Variants in GLT1D1 observed in about 807,000 individuals in gnomAD.
The protein encoded by GLT1D1 is glycosyltransferase 1 domain containing 1.
Under a neutral mutation model 28.7 loss-of-function variants are expected in GLT1D1, and 21 were observed. The observed-to-expected ratio is 0.73, with a 90% CI of 0.52 to 1.05. GLT1D1 has a LOEUF of 1.05. Ranked by LOEUF, GLT1D1 falls within the 50% of genes least tolerant of loss-of-function variation. GLT1D1 has a pLI of 0.00. For missense variants in GLT1D1, 343 were observed against 330.6 expected (o/e 1.04, Z -0.29); for synonymous variants, 147 against 124.8 (o/e 1.18, Z -1.19).
At chr12:128,910,808 T>C (rs1247364869) in intron 4 of GLT1D1, among the ~76,000 whole-genome samples, 1 of 152,126 alleles carries the variant, frequency 6.6e-6, no homozygotes, top group African/African-American at 2.4e-5. Context: ...GCTTGCACGA[T>C]GAAGTGGGGA....
At chr12:128,947,817 C>A (rs12370293) in intron 6 of GLT1D1, among the ~76,000 whole-genome samples, 30,860 of 151,982 alleles carry the variant, frequency 0.2, 3,337 homozygotes, top group Admixed American at 0.3. Context: ...TTTACTTGAT[C>A]TTTTCTCTTT....
At chr12:128,862,347 A>AC (rs966078823) in intron 1 of GLT1D1, among the ~76,000 whole-genome samples, 1 of 143,630 alleles carries the variant, frequency 7.0e-6, no homozygotes, top group Non-Finnish European at 1.5e-5. Flanking sequence ...AAAAAAAAAA[A>AC]CCACAAAGAT....
chr12:128,869,416 C>T (rs555970402), intron 1 of GLT1D1, among the ~76,000 whole-genome samples: 34 of 152,188 alleles, frequency 2.2e-4, no homozygotes, highest in Admixed American at 1.2e-3. Context: ...CCCATTCACC[C>T]GTCTTGGCCT....
intron 4 of GLT1D1, among the ~76,000 whole-genome samples, chr12:128,906,452 A>G (rs1870878612): frequency 6.6e-6 from 1 of 152,208 alleles, no homozygotes; most frequent in South Asian, 2.1e-4. Flanking sequence ...AGCAATGGTT[A>G]TGGTTTAATA....
intron 4 of GLT1D1, among the ~76,000 whole-genome samples, chr12:128,908,445 TTCTTTCCC>T (rs1211770419): frequency 6.6e-6 from 1 of 151,056 alleles, no homozygotes; most frequent in Non-Finnish European, 1.5e-5. Flanking sequence ...CTTTCTTTCC[TTCTTTCCC>T]TCTTTCCTTC....
At chr12:128,940,757 T>G (rs1259599814) in intron 4 of GLT1D1, among the ~76,000 whole-genome samples, 1 of 152,160 alleles carries the variant, frequency 6.6e-6, no homozygotes, top group Non-Finnish European at 1.5e-5. Flanking sequence ...GATGTTAGGT[T>G]GTGACTAATG....
intron 4 of GLT1D1, among the ~76,000 whole-genome samples, chr12:128,902,052 G>A (rs73440325): frequency 0.059 from 8,918 of 151,800 alleles, 391 homozygotes; most frequent in Middle Eastern, 0.099. Flanking sequence ...ATAATGAAAC[G>A]TTTAAACATT....
chr12:128,958,130 A>T (rs6486740), intron 7 of GLT1D1, among the ~76,000 whole-genome samples: 4 of 152,020 alleles, frequency 2.6e-5, no homozygotes, highest in Non-Finnish European at 4.4e-5. Context: ...CTGGTTATCC[A>T]GTAACTTCTG....
chr12:128,944,319 G>GT, intron 4 of GLT1D1: 1 of 692,982 alleles, frequency 1.4e-6, no homozygotes. Context: ...CAGTTTGGAG[G>GT]AAAGCATATC....
chr12:128,912,007 C>T (rs73414802), intron 4 of GLT1D1, among the ~76,000 whole-genome samples: 8,176 of 152,080 alleles, frequency 0.054, 699 homozygotes, highest in African/African-American at 0.18. Context: ...AAGCAGTCTT[C>T]CCCTCAGGGA....
Position 128,876,125 on chromosome 12 carries a change from T to C in GLT1D1, c.217+63T>C, listed in dbSNP as rs1956865164. 2.8e-6 allele frequency: 4 copies of C among 1,434,032 alleles called. No homozygotes were observed. In the East Asian group the frequency reaches 6.9e-5, roughly 25 times the overall value. The allele number at this position is 1,434,032 out of a possible 1,614,324, so 88.8% of individuals were successfully genotyped here. On this transcript the variant is annotated intron_variant, in intron 2 of 7. Transcript: ENST00000281703. The stretch of plus-strand genomic sequence containing the variant: ...TTCTGAAAACCGGAAGTGCCTGTAA[T>C]GTCCAATAACACGGGAAACAGTGTC...
At position 128,903,765 on chromosome 12, in the gene GLT1D1, C is replaced by G. The variant is rs184318147; in HGVS notation, c.375+4478C>G. On this transcript the variant is annotated intron_variant, in intron 4 of 7. Transcript: ENST00000281703. The stretch of plus-strand genomic sequence containing the variant: ...TTATTTTTTGAGATGGAATCTTGCT[C>G]TGTCACCCAAGGTGAAGTACAGTGG... 2.6e-5 allele frequency among the ~76,000 whole-genome samples: 4 copies of G among 151,762 alleles called. No homozygotes were observed. In the East Asian group the frequency reaches 5.8e-4, roughly 22 times the overall value.
At chr12:128,932,838 G>A (rs1409682666) in intron 4 of GLT1D1, among the ~76,000 whole-genome samples, 2 of 152,238 alleles carry the variant, frequency 1.3e-5, no homozygotes, top group African/African-American at 2.4e-5. Context: ...CTGCCTCGTC[G>A]AAGGTCCTCC....
intron 4 of GLT1D1, among the ~76,000 whole-genome samples, chr12:128,923,665 G>T (rs1415417349): frequency 1.3e-5 from 2 of 152,056 alleles, no homozygotes; most frequent in African/African-American, 4.8e-5. Flanking sequence ...GGGATTACAA[G>T]TGCCTGCTAC....
intron 4 of GLT1D1, among the ~76,000 whole-genome samples, chr12:128,927,999 C>CAAAAGAAAAAAA (rs1873426932): frequency 2.4e-5 from 1 of 42,262 alleles, no homozygotes; most frequent in Non-Finnish European, 3.7e-5. Flanking sequence ...GACTCTGTCT[C>CAAAAGAAAAAAA]AAAAAAAAAA....
intron 4 of GLT1D1, among the ~76,000 whole-genome samples, chr12:128,927,999 C>CAAAAAAAAAAAAAAAAAAAAAAAAAAAAA (rs938188484): frequency 7.1e-5 from 3 of 42,248 alleles, no homozygotes; most frequent in Non-Finnish European, 1.1e-4. Context: ...GACTCTGTCT[C>CAAAAAAAAAAAAAAAAAAAAAAAAAAAAA]AAAAAAAAAA....
chr12:128,956,925 G>A (rs1197220727), intron 6 of GLT1D1, among the ~76,000 whole-genome samples: 5 of 152,196 alleles, frequency 3.3e-5, no homozygotes, highest in African/African-American at 7.2e-5. Context: ...AAGAGAACCC[G>A]CAAAATGCCT....
intron 7 of GLT1D1, among the ~76,000 whole-genome samples, chr12:128,979,907 A>G (rs1880156225): frequency 6.6e-6 from 1 of 152,232 alleles, no homozygotes; most frequent in South Asian, 2.1e-4. Context: ...GGTTTTGCAT[A>G]TCTCATATAA....
intron 2 of GLT1D1, among the ~76,000 whole-genome samples, chr12:128,884,027 A>G (rs543481064): frequency 1.4e-3 from 206 of 152,332 alleles, no homozygotes; most frequent in Admixed American, 5.0e-3. Context: ...AAAATGAAAA[A>G]TAGAACTACC....
Sources: gnomAD v4.1 joint callset for allele counts (sites outside exome capture counted in the v4.1 genomes callset) on GRCh38, gnomAD v4.1.1 for gene constraint, MANE v1.5 for transcripts, NCBI Gene and HGNC (gene_info 2026-07-23, HGNC 2026-07-21) for gene names.